The following ADARB1 variants were observed in gnomAD, a reference collection of about 807,000 sequenced individuals.
ADARB1 encodes the protein double-stranded RNA-specific editase 1.
A neutral mutation model predicts 52.4 loss-of-function variants in ADARB1; 10 were observed. The observed-to-expected ratio is 0.19, with a 90% CI of 0.12 to 0.32. ADARB1 has a LOEUF of 0.32. Among genes scored for constraint, ADARB1 ranks in the 10% least tolerant of loss-of-function variants. The pLI, the probability that ADARB1 is intolerant of heterozygous loss-of-function variation, is 1.00. For missense variants in ADARB1, 643 were observed against 922.3 expected (o/e 0.70, Z 3.92); for synonymous variants, 349 against 371.1 (o/e 0.94, Z 0.68).
intron 2 of ADARB1, among the ~76,000 whole-genome samples, chr21:45,149,451 A>G (rs561701431): frequency 1.3e-4 from 20 of 152,304 alleles, no homozygotes; most frequent in Admixed American, 4.6e-4. Context: ...TCTTGTCTAA[A>G]TCTTCCAGAG....
At chr21:45,183,236 G>A in intron 6 of ADARB1, 126 bp from the exon 7 acceptor site, 1 of 928,774 alleles carries the variant, frequency 1.1e-6, no homozygotes, top group Non-Finnish European at 1.5e-6. Context: ...CCCTAAACAT[G>A]TAAAATAAAT....
intron 1 of ADARB1, chr21:45,121,070 A>G (rs2088150104): frequency 6.6e-6 from 1 of 152,154 alleles, no homozygotes; most frequent in East Asian, 1.9e-4. Context: ...AGCCGCTGAT[A>G]GTTCATGTCT....
intron 8 of ADARB1, among the ~76,000 whole-genome samples, chr21:45,203,159 C>G (rs2092595844): frequency 6.6e-6 from 1 of 152,164 alleles, no homozygotes; most frequent in South Asian, 2.1e-4. Context: ...GAATACCGCC[C>G]CCTCCCTCAT....
At chr21:45,134,900 G>C (rs769025159) in intron 2 of ADARB1, 2 of 508,624 alleles carry the variant, frequency 3.9e-6, no homozygotes, top group Non-Finnish European at 8.1e-6. Flanking sequence ...GTTGACAGCT[G>C]GGTGAGTCCC....
At chr21:45,125,158 T>G (rs2088496843) in intron 1 of ADARB1, among the ~76,000 whole-genome samples, 1 of 152,222 alleles carries the variant, frequency 6.6e-6, no homozygotes, top group African/African-American at 2.4e-5. Context: ...CTTTTTGGAA[T>G]AAAGTTTATA....
intron 1 of ADARB1, among the ~76,000 whole-genome samples, chr21:45,093,698 CTG>C (rs1320860858): frequency 2.0e-5 from 3 of 152,134 alleles, no homozygotes; most frequent in African/African-American, 7.2e-5. Flanking sequence ...TATGGGGAGA[CTG>C]TGCTGCAGCC....
At position 45,223,021 on chromosome 21, in the gene ADARB1, G is replaced by A; in HGVS notation, c.*824G>A. ...AGATAATACATGGCCAGTAATCCCA[G>A]GCTGGCCATTCATTCAGGTTTTTTA... On this transcript the variant is annotated 3_prime_UTR_variant, in exon 11 of 11. Transcript: ENST00000348831. 2.0e-6 allele frequency: 2 copies of A among 985,428 alleles called. No homozygotes were observed. Among genetic ancestry groups the A allele is most frequent in the South Asian group, 9.4e-5 (2 of 21,282 alleles). The allele number at this position is 985,428 out of a possible 1,614,324, so 61.0% of individuals were successfully genotyped here.
At chr21:45,097,075 C>T (rs941811039) in intron 1 of ADARB1, among the ~76,000 whole-genome samples, 61 of 152,038 alleles carry the variant, frequency 4.0e-4, no homozygotes, top group African/African-American at 1.4e-3. Context: ...GTAGCTTCCT[C>T]TTCAAGTCCG....
chr21:45,084,345 T>C (rs1205307164), intron 1 of ADARB1, among the ~76,000 whole-genome samples: 1 of 152,254 alleles, frequency 6.6e-6, no homozygotes, highest in African/African-American at 2.4e-5. Flanking sequence ...AGGCTGGCAC[T>C]TGGCAGAGAG....
At chr21:45,163,581 C>G (rs1385663355) in intron 2 of ADARB1, among the ~76,000 whole-genome samples, 4 of 151,704 alleles carry the variant, frequency 2.6e-5, no homozygotes, top group African/African-American at 9.8e-5. Context: ...GCCCTCAAGG[C>G]CCCCCACTGG....
At position 45,223,777 on chromosome 21, in the gene ADARB1, G is replaced by A. The variant is rs371522791; in HGVS notation, c.*1580G>A. The A allele has an allele frequency of 1.0e-6, 1 of 985,326 alleles. No homozygotes were observed. Among genetic ancestry groups the A allele is most frequent in the South Asian group, 4.7e-5 (1 of 21,290 alleles). The allele number at this position is 985,326 out of a possible 1,614,324, so 61.0% of individuals were successfully genotyped here. ...AACTGAAACACCGTGGCTTCGGCGG[G>A]GGGTGTGCCTCCTGATGTCAGGAGC... On this transcript the variant is annotated 3_prime_UTR_variant, in exon 11 of 11. Transcript: ENST00000348831.
intron 8 of ADARB1, among the ~76,000 whole-genome samples, chr21:45,192,745 G>A (rs2092332816): frequency 6.6e-6 from 1 of 152,180 alleles, no homozygotes; most frequent in African/African-American, 2.4e-5. Flanking sequence ...ATCGGAATGG[G>A]AGAGGTGAAA....
chr21:45,154,798 C>G (rs796661642), intron 2 of ADARB1, among the ~76,000 whole-genome samples: 6 of 152,348 alleles, frequency 3.9e-5, no homozygotes, highest in African/African-American at 1.4e-4. Flanking sequence ...CACTGCCACC[C>G]TGGCAGATGC....
rs117242065 is a variant in ADARB1 at position 45,143,034 on chromosome 21, A to C, written c.-48+14461A>C. On this transcript the variant is annotated intron_variant, in intron 2 of 10. Coordinates refer to ENST00000348831, the MANE Select transcript of ADARB1 (RefSeq NM_001112.4). ...GTCCAGCCTGCTGCTCTGAAACCTC[A>C]GTCTCCTTTACTGAGATTTGATGAT... Among the ~76,000 whole-genome samples, 1,019 of 152,288 alleles carry C rather than the reference A, an allele frequency of 6.7e-3. 34 individuals are homozygous for C. The highest frequency in any genetic ancestry group is 0.05 in the Admixed American group (759 of 15,304).
rs141269164 is a variant in ADARB1, at chr21:45,175,880, A to G, written c.179A>G (p.Asn60Ser). The G allele has an allele frequency of 2.6e-5, 42 of 1,613,316 alleles. No homozygotes were observed. Among genetic ancestry groups the G allele is most frequent in the South Asian group, 1.6e-4 (15 of 91,006 alleles). ...AAGCGGCCCCTGGAGGAGGGCAGCA[A>G]TGGCCACTCCAAGTACCGCCTGAAG... ...GRKRPLEEGSNGHSKYRLKKR... is the reference protein window; with the variant it reads ...GRKRPLEEGSSGHSKYRLKKR... The change falls in exon 4 of 11, where the codon AAT becomes AGT. Residue 60 changes from asparagine to serine, a missense_variant. Asn to Ser is a conservative substitution (Grantham distance 46). Coordinates refer to ENST00000348831, the MANE Select transcript of ADARB1 (RefSeq NM_001112.4).
intron 1 of ADARB1, among the ~76,000 whole-genome samples, chr21:45,110,399 G>A (rs1043516438): frequency 6.6e-6 from 1 of 152,104 alleles, no homozygotes; most frequent in African/African-American, 2.4e-5. Context: ...TTGACCATCC[G>A]GCAAGTCTCT....
At chr21:45,120,703 T>C (rs1334425826) in intron 1 of ADARB1, 1 of 152,294 alleles carries the variant, frequency 6.6e-6, no homozygotes, top group Non-Finnish European at 1.5e-5. Flanking sequence ...GGAGAAGCTG[T>C]GTGTGCTGGG....
chr21:45,201,019 G>A (rs552297203), intron 8 of ADARB1, among the ~76,000 whole-genome samples: 8 of 152,366 alleles, frequency 5.3e-5, no homozygotes, highest in Middle Eastern at 6.8e-3. Flanking sequence ...AGGCCATGCT[G>A]TGAGAGTGGG....
At position 45,225,492 on chromosome 21, in the gene ADARB1, G is replaced by A; in HGVS notation, c.*3295G>A. On this transcript the variant is annotated 3_prime_UTR_variant, in exon 11 of 11. Coordinates refer to ENST00000348831, the MANE Select transcript of ADARB1 (RefSeq NM_001112.4). ...AAATAACCATATTTATCTCCAGGCT[G>A]TGGAATCGCCACTTTCTTTGTGAAG... is the stretch of plus-strand genomic sequence containing the variant. The A allele has an allele frequency of 7.6e-7, 1 of 1,314,946 alleles. No individual in the cohort carries two copies. Among genetic ancestry groups the A allele is most frequent in the Middle Eastern group, 2.1e-4 (1 of 4,818 alleles). The allele number at this position is 1,314,946 out of a possible 1,614,324, so 81.5% of individuals were successfully genotyped here. A position where few individuals can be genotyped will look rare whatever the true frequency, so the allele number is the denominator to read the frequency against.
Sources: gnomAD v4.1 joint callset for allele counts (sites outside exome capture counted in the v4.1 genomes callset) on GRCh38, gnomAD v4.1.1 for gene constraint, MANE v1.5 for transcripts, NCBI Gene and HGNC (gene_info 2026-07-23, HGNC 2026-07-21) for gene names.